The following ELL2 variants were observed in gnomAD, a reference collection of about 807,000 sequenced individuals.
ELL2 encodes elongation factor for RNA polymerase II 2, also known as RNA polymerase II elongation factor ELL2.
In ELL2, 21 loss-of-function variants were observed where a neutral mutation model predicts 72.8. The ratio of observed to expected loss-of-function variants is 0.29; its 90% CI spans 0.20 to 0.42. The LOEUF (loss-of-function observed/expected upper bound fraction) is 0.42. Among genes scored for constraint, ELL2 ranks in the 10% least tolerant of loss-of-function variants. The probability of loss-of-function intolerance (pLI) is 1.00; values close to 1 mark genes in which losing one functional copy is unlikely to be tolerated. For missense variants in ELL2, 568 were observed against 772.8 expected, an observed-to-expected ratio of 0.73 and a Z score of 3.14; for synonymous variants, 266 against 283.2, an observed-to-expected ratio of 0.94 and a Z score of 0.61.
Position 95,900,716 on chromosome 5 carries a change from T to C in ELL2, c.931A>G (p.Arg311Gly), listed in dbSNP as rs1467470011. ...SRSESPVCSS[R>G]DAVSSPQKRL... is the part of the protein sequence containing the mutation. ...ACCTGAGGAGAAGATACAGCGTCTC[T>C]ACTAGAACATACAGGAGATTCTGAA... is the stretch of plus-strand genomic sequence containing the variant. Residue 311 changes from arginine (R) to glycine (G), a missense_variant, in exon 7 of 12, where the codon AGA becomes GGA. Arg to Gly is a moderately radical substitution (Grantham distance 125). Coordinates refer to ENST00000237853, the MANE Select transcript of ELL2 (RefSeq NM_012081.6). The C allele has an allele frequency of 1.2e-6, 2 of 1,604,752 alleles. No individual in the cohort carries two copies. Among genetic ancestry groups the C allele is most frequent in the South Asian group, 1.1e-5 (1 of 89,110 alleles).
At position 95,908,307 on chromosome 5, in the gene ELL2, A is replaced by T. The variant is rs182280870; in HGVS notation, c.482-1525T>A. ...AGGCAGGTACCGTCCCCTTTCACAG[A>T]TGAGAAAACTGAGGCTTTTAATGGG... is the stretch of plus-strand genomic sequence containing the variant. On this transcript the variant is annotated intron_variant, in intron 4 of 11. Transcript: ENST00000237853. Among the ~76,000 whole-genome samples the T allele has an allele frequency of 2.4e-3, 368 of 152,292 alleles. 5 individuals carry two copies. The highest frequency in any genetic ancestry group is 1.9e-3 in the Non-Finnish European group (127 of 68,020).
chr5:95,892,649 A>G (rs749922268), intron 9 of ELL2, among the ~76,000 whole-genome samples: 10 of 152,186 alleles, frequency 6.6e-5, no homozygotes, highest in Non-Finnish European at 1.2e-4. Context: ...TATATTCTTC[A>G]CTGCCATAAA....
At chr5:95,911,718 G>C (rs994717364) in intron 4 of ELL2, among the ~76,000 whole-genome samples, 1 of 152,050 alleles carries the variant, frequency 6.6e-6, no homozygotes, top group Admixed American at 6.6e-5. Flanking sequence ...GTCCAGAGGA[G>C]AGCAATAAAA....
chr5:95,892,740 C>T (rs537272627), intron 9 of ELL2, among the ~76,000 whole-genome samples: 1 of 152,160 alleles, frequency 6.6e-6, no homozygotes, highest in East Asian at 1.9e-4. Flanking sequence ...AGACGCCTAG[C>T]AGAAAATGTG....
chr5:95,948,485 T>TA (rs1189956448), intron 1 of ELL2, among the ~76,000 whole-genome samples: 2 of 146,990 alleles, frequency 1.4e-5, no homozygotes, highest in Non-Finnish European at 3.0e-5. Flanking sequence ...CTACACCACT[T>TA]ATTTTGTATC....
intron 2 of ELL2, among the ~76,000 whole-genome samples, chr5:95,933,644 T>A (rs1465881400): frequency 6.6e-6 from 1 of 152,180 alleles, no homozygotes; most frequent in Non-Finnish European, 1.5e-5. Context: ...TATTCTTATG[T>A]GTATTTTATA....
At chr5:95,895,739 T>G (rs1748850418) in intron 8 of ELL2, 48 bp from the exon 9 acceptor site, 10 of 1,393,608 alleles carry the variant, frequency 7.2e-6, no homozygotes, top group Non-Finnish European at 9.2e-6. Flanking sequence ...CTACGAAGGT[T>G]ATCAAATGCC....
chr5:95,942,464 C>T (rs1561511549), intron 2 of ELL2, among the ~76,000 whole-genome samples: 1 of 152,022 alleles, frequency 6.6e-6, no homozygotes, highest in Non-Finnish European at 1.5e-5. Flanking sequence ...ATTCATAAGT[C>T]CATTTTATTA....
chr5:95,893,949 G>GA (rs1022753410), intron 9 of ELL2, among the ~76,000 whole-genome samples: 5 of 152,098 alleles, frequency 3.3e-5, no homozygotes, highest in African/African-American at 1.2e-4. Flanking sequence ...TAAGTAACCT[G>GA]AAAAAACCTT....
chr5:95,950,859 T>C (rs1456032257), intron 1 of ELL2, among the ~76,000 whole-genome samples: 1 of 143,496 alleles, frequency 7.0e-6, no homozygotes, highest in Non-Finnish European at 1.5e-5. Flanking sequence ...GGCTATCTGA[T>C]ACATGCCAAG....
intron 9 of ELL2, among the ~76,000 whole-genome samples, chr5:95,895,353 T>G (rs1580479179): frequency 6.6e-6 from 1 of 152,328 alleles, no homozygotes; most frequent in East Asian, 1.9e-4. Flanking sequence ...TCTTTCATAA[T>G]CAAATGCTTA....
At chr5:95,917,648 G>A (rs1347534347) in intron 3 of ELL2, among the ~76,000 whole-genome samples, 1 of 152,070 alleles carries the variant, frequency 6.6e-6, no homozygotes, top group East Asian at 1.9e-4. Flanking sequence ...CATTTTATAA[G>A]GCACCTTGGA....
intron 1 of ELL2, among the ~76,000 whole-genome samples, chr5:95,948,811 T>C (rs1265107294): frequency 6.6e-6 from 1 of 152,228 alleles, no homozygotes; most frequent in Non-Finnish European, 1.5e-5. Context: ...GAGAGTTATC[T>C]TGTATCTATT....
intron 4 of ELL2, among the ~76,000 whole-genome samples, chr5:95,908,101 A>C (rs970713830): frequency 5.3e-5 from 8 of 152,254 alleles, no homozygotes; most frequent in Non-Finnish European, 2.9e-5. Context: ...AAGGAACTCA[A>C]CATTAAGGGG....
chr5:95,926,191 C>T (rs1349009405), intron 2 of ELL2, among the ~76,000 whole-genome samples: 1 of 150,290 alleles, frequency 6.7e-6, no homozygotes, highest in Non-Finnish European at 1.5e-5. Context: ...AAAAAAAAGC[C>T]TCTCACATCA....
intron 1 of ELL2, among the ~76,000 whole-genome samples, chr5:95,950,918 A>G (rs373972993): frequency 3.1e-5 from 3 of 97,500 alleles, no homozygotes; most frequent in African/African-American, 6.0e-5. Flanking sequence ...ATATATATAT[A>G]TATATATATA....
intron 2 of ELL2, among the ~76,000 whole-genome samples, chr5:95,922,947 A>G (rs952203827): frequency 6.6e-6 from 1 of 152,254 alleles, no homozygotes; most frequent in African/African-American, 2.4e-5. Flanking sequence ...GGAGGGTGCT[A>G]TTGGCATGTA....
chr5:95,934,674 C>G lies in ELL2; in HGVS notation c.195+8328G>C, dbSNP rs114565767. On this transcript the variant is annotated intron_variant, in intron 2 of 11. Transcript: ENST00000237853. ...GCAACTCTATCAAGTAGTTGACTACCAAGATATTAGCTGGTGTCTAGCTCT... is the reference window on the plus strand; with the variant it reads ...GCAACTCTATCAAGTAGTTGACTACGAAGATATTAGCTGGTGTCTAGCTCT... 2.5e-3 allele frequency among the ~76,000 whole-genome samples: 382 copies of G among 152,236 alleles called. 1 individual carries two copies. The highest frequency in any genetic ancestry group is 8.8e-3 in the African/African-American group (366 of 41,532).
intron 2 of ELL2, among the ~76,000 whole-genome samples, chr5:95,936,975 CCTGT>C (rs1750799079): frequency 1.3e-5 from 2 of 152,302 alleles, no homozygotes; most frequent in Non-Finnish European, 2.9e-5. Flanking sequence ...ACAGTGTCTA[CCTGT>C]CTATCATGGT....
Sources: allele counts gnomAD v4.1 joint callset (sites outside exome capture counted in the v4.1 genomes callset), GRCh38; gene constraint gnomAD v4.1.1; transcripts MANE v1.5; gene names NCBI Gene and HGNC (gene_info 2026-07-23, HGNC 2026-07-21).